Variants in CNTN4 observed in about 807,000 individuals in gnomAD.
The protein encoded by CNTN4 is contactin 4.
CNTN4 carries 77 observed loss-of-function variants against 122.5 expected under a neutral mutation model. That is an observed-to-expected ratio of 0.63 (90% CI 0.52 to 0.76). The LOEUF is 0.76. Ranked by LOEUF, CNTN4 falls within the 30% of genes least tolerant of loss-of-function variation. CNTN4 has a pLI of 0.00. For synonymous variants in CNTN4, 512 were observed against 447.0 expected, an observed-to-expected ratio of 1.15 and a Z score of -1.83; for missense variants, 1,256 against 1,259.1, an observed-to-expected ratio of 1.00 and a Z score of 0.04.
chr3:2,362,467 G>A, intron 3 of CNTN4: 1 of 457,110 alleles, frequency 2.2e-6, no homozygotes, highest in South Asian at 1.7e-5. Context: ...CCTATATGAG[G>A]ACTAGCAGTG....
In CNTN4 at chr3:2,463,323, C is replaced by G. The variant is rs546010223; in HGVS notation, c.-88-108093C>G. On this transcript the variant is annotated intron_variant, in intron 3 of 24. Transcript: ENST00000418658. Reference sequence around the variant, plus strand: ...ACTAAAGTTTAGCTCCTTTGTGTCCCAGGCTGAAATAAAAGCATGTGGGAG... The same window carrying G: ...ACTAAAGTTTAGCTCCTTTGTGTCCGAGGCTGAAATAAAAGCATGTGGGAG... Among the ~76,000 whole-genome samples the G allele has an allele frequency of 4.6e-5, 7 of 152,230 alleles. No individual in the cohort carries two copies. In the South Asian group the frequency reaches 1.5e-3, roughly 32 times the overall value.
intron 23 of CNTN4, among the ~76,000 whole-genome samples, chr3:3,050,593 G>A (rs1483693483): frequency 3.3e-5 from 5 of 151,912 alleles, no homozygotes; most frequent in African/African-American, 7.3e-5. Context: ...GTGAAACCCC[G>A]TCTCTGCTAA....
chr3:2,417,569 A>C (rs745653425), intron 3 of CNTN4, among the ~76,000 whole-genome samples: 10 of 152,200 alleles, frequency 6.6e-5, no homozygotes, highest in Non-Finnish European at 1.0e-4. Flanking sequence ...TAATAAAATG[A>C]GATTAGAACC....
intron 2 of CNTN4, among the ~76,000 whole-genome samples, chr3:2,241,198 T>G (rs534957958): frequency 6.6e-6 from 1 of 152,152 alleles, no homozygotes; most frequent in Non-Finnish European, 1.5e-5. Context: ...ATAGAGCACT[T>G]AGGTCTACTT....
Position 2,415,554 on chromosome 3 carries a change from G to A in CNTN4, c.-89+76321G>A, listed in dbSNP as rs76386988. On this transcript the variant is annotated intron_variant, in intron 3 of 24. Coordinates refer to ENST00000418658, the MANE Select transcript of CNTN4 (RefSeq NM_175607.3). Reference sequence around the variant, plus strand: ...TAAGAAAGAAGAAAATGTATTAAACGTACCACATTATTTTTAGTTCAATGG... The same window carrying A: ...TAAGAAAGAAGAAAATGTATTAAACATACCACATTATTTTTAGTTCAATGG... Among the ~76,000 whole-genome samples, 568 of 152,240 alleles carry A rather than the reference G, an allele frequency of 3.7e-3. 4 individuals carry two copies. Among genetic ancestry groups the A allele is most frequent in the African/African-American group, 0.013 (553 of 41,556 alleles).
intron 23 of CNTN4, among the ~76,000 whole-genome samples, chr3:3,050,877 C>G (rs1034615078): frequency 6.6e-6 from 1 of 151,856 alleles, no homozygotes; most frequent in Non-Finnish European, 1.5e-5. Flanking sequence ...CTCCACATCT[C>G]AAGTTCTCAT....
intron 3 of CNTN4, among the ~76,000 whole-genome samples, chr3:2,445,508 G>T (rs192507809): frequency 6.6e-6 from 1 of 151,996 alleles, no homozygotes; most frequent in African/African-American, 2.4e-5. Context: ...CTATCTTGCC[G>T]CTTGAAAAAC....
At chr3:2,609,817 T>A (rs901372753) in intron 4 of CNTN4, among the ~76,000 whole-genome samples, 1 of 152,190 alleles carries the variant, frequency 6.6e-6, no homozygotes, top group Non-Finnish European at 1.5e-5. Flanking sequence ...CAAATAAATT[T>A]TTTACTATCA....
intron 14 of CNTN4, among the ~76,000 whole-genome samples, chr3:3,006,043 G>C (rs760417568): frequency 6.6e-6 from 1 of 151,538 alleles, no homozygotes; most frequent in African/African-American, 2.4e-5. Context: ...CCACCCCCAC[G>C]CTCGGCTAAT....
At chr3:2,166,241 G>A (rs2036188615) in intron 2 of CNTN4, among the ~76,000 whole-genome samples, 1 of 151,952 alleles carries the variant, frequency 6.6e-6, no homozygotes, top group East Asian at 1.9e-4. Flanking sequence ...GTATTCATCA[G>A]GGAAACGCAA....
chr3:2,521,156 T>C (rs1229492385), intron 3 of CNTN4, among the ~76,000 whole-genome samples: 2 of 152,138 alleles, frequency 1.3e-5, no homozygotes, highest in Non-Finnish European at 2.9e-5. Flanking sequence ...ATAGGCCATA[T>C]GAAGTGGATG....
intron 4 of CNTN4, among the ~76,000 whole-genome samples, chr3:2,634,050 G>C (rs151153871): frequency 1.7e-4 from 26 of 152,244 alleles, no homozygotes; most frequent in African/African-American, 3.9e-4. Flanking sequence ...AATTGTTTCT[G>C]AGTTCTTTGG....
At chr3:2,840,036 T>C (rs890084853) in intron 7 of CNTN4, among the ~76,000 whole-genome samples, 1 of 152,198 alleles carries the variant, frequency 6.6e-6, no homozygotes, top group Non-Finnish European at 1.5e-5. Flanking sequence ...GACGTTCCTA[T>C]AGGCACAGCT....
At chr3:2,974,696 C>T (rs1693254963) in intron 13 of CNTN4, among the ~76,000 whole-genome samples, 1 of 152,178 alleles carries the variant, frequency 6.6e-6, no homozygotes, top group South Asian at 2.1e-4. Context: ...GGCAAAGATG[C>T]AGCTGTTTTA....
chr3:2,666,241 T>G (rs539269378), intron 4 of CNTN4, among the ~76,000 whole-genome samples: 2 of 152,318 alleles, frequency 1.3e-5, no homozygotes, highest in Non-Finnish European at 2.9e-5. Flanking sequence ...GCCAGCTATT[T>G]TGGGTATTAG....
intron 3 of CNTN4, among the ~76,000 whole-genome samples, chr3:2,469,787 A>G (rs1038541674): frequency 2.6e-5 from 4 of 152,152 alleles, no homozygotes; most frequent in Non-Finnish European, 5.9e-5. Flanking sequence ...TAATGTTTGA[A>G]TTTCTGACAT....
chr3:2,421,126 C>T (rs576712173), intron 3 of CNTN4, among the ~76,000 whole-genome samples: 11 of 152,268 alleles, frequency 7.2e-5, no homozygotes, highest in African/African-American at 2.6e-4. Flanking sequence ...TTTTCACATT[C>T]CAGTCCCAGT....
intron 3 of CNTN4, among the ~76,000 whole-genome samples, chr3:2,429,530 G>GT (rs1403723481): frequency 6.6e-6 from 1 of 152,236 alleles, no homozygotes; most frequent in Non-Finnish European, 1.5e-5. Context: ...TTGGAGGTCA[G>GT]GGACCCACTT....
chr3:2,297,373 A>G (rs2042350682), intron 2 of CNTN4, among the ~76,000 whole-genome samples: 1 of 152,228 alleles, frequency 6.6e-6, no homozygotes, highest in Non-Finnish European at 1.5e-5. Context: ...AAACATTCTG[A>G]TGCTTTAACA....
Sources: allele counts gnomAD v4.1 joint callset (sites outside exome capture counted in the v4.1 genomes callset), GRCh38; gene constraint gnomAD v4.1.1; transcripts MANE v1.5; gene names NCBI Gene and HGNC (gene_info 2026-07-23, HGNC 2026-07-21).